The following CROCC2 variants were observed in gnomAD, a reference collection of about 807,000 sequenced individuals.
The protein encoded by CROCC2 is ciliary rootlet coiled-coil, rootletin family member 2.
CROCC2 carries 163 observed loss-of-function variants against 177.6 expected under a neutral mutation model. The ratio of observed to expected loss-of-function variants is 0.92; its 90% CI spans 0.81 to 1.05. The LOEUF (loss-of-function observed/expected upper bound fraction) is 1.05, where lower values mean the gene tolerates loss of function less well. Among genes scored for constraint, CROCC2 ranks in the 50% least tolerant of loss-of-function variants. The pLI is 0.00. For missense variants in CROCC2, 1,929 were observed against 1,797.8 expected (o/e 1.07, Z -1.32); for synonymous variants, 904 against 787.3 (o/e 1.15, Z -2.48).
chr2:240,981,724 C>G (rs921608315), intron 27 of CROCC2: 4 of 151,870 alleles, frequency 2.6e-5, no homozygotes, highest in African/African-American at 9.7e-5. Flanking sequence ...CCTTCTTTTC[C>G]TTTTTTAAAG....
chr2:240,962,260 G>A (rs2059647421), intron 20 of CROCC2, among the ~76,000 whole-genome samples: 2 of 151,932 alleles, frequency 1.3e-5, no homozygotes, highest in South Asian at 2.1e-4. Flanking sequence ...TCCTGTAAAA[G>A]GGATGGCTGT....
chr2:240,968,089 G>A (rs1259256876), intron 26 of CROCC2, 40 bp from the exon 27 acceptor site: 13 of 1,397,498 alleles, frequency 9.3e-6, no homozygotes, highest in Admixed American at 3.0e-5. Context: ...GACCTGGGAG[G>A]GGCATGGGGG....
intron 25 of CROCC2, 100 bp downstream of exon 25, chr2:240,966,509 G>A: frequency 2.5e-6 from 1 of 398,068 alleles, no homozygotes; most frequent in Non-Finnish European, 4.4e-6. Flanking sequence ...TGGGTCTGAG[G>A]GTCAGTGTCC....
At chr2:240,942,886 T>C (rs2059502344) in intron 14 of CROCC2, among the ~76,000 whole-genome samples, 1 of 152,210 alleles carries the variant, frequency 6.6e-6, no homozygotes, top group South Asian at 2.1e-4. Flanking sequence ...TTATTTCAGA[T>C]AGGACTTTCA....
At chr2:240,927,199 A>G (rs74000139) in intron 5 of CROCC2, among the ~76,000 whole-genome samples, 2,179 of 152,184 alleles carry the variant, frequency 0.014, 49 homozygotes, top group African/African-American at 0.05. Flanking sequence ...TCGAAGTAAC[A>G]TGTCTTCTCA....
At chr2:240,935,167 C>T (rs1412911016) in intron 13 of CROCC2, 105 bp downstream of exon 13, 1 of 1,286,130 alleles carries the variant, frequency 7.8e-7, no homozygotes. Context: ...ATCACTTCCT[C>T]TCCTGGTTTG....
intron 28 of CROCC2, 28 bp downstream of exon 28, chr2:240,983,057 G>C: frequency 3.2e-6 from 5 of 1,544,514 alleles, no homozygotes; most frequent in Non-Finnish European, 4.4e-6. Context: ...GGCAGGGTAC[G>C]CTGTCACCAG....
At chr2:240,921,605 A>G (rs2059357305) in intron 3 of CROCC2, among the ~76,000 whole-genome samples, 1 of 152,152 alleles carries the variant, frequency 6.6e-6, no homozygotes, top group Non-Finnish European at 1.5e-5. Flanking sequence ...CTCAGCAGGC[A>G]AAGTGTGGGT....
chr2:240,935,715 G>A (rs752654352), intron 14 of CROCC2, 127 bp downstream of exon 14: 281 of 686,856 alleles, frequency 4.1e-4, no homozygotes, highest in East Asian at 2.2e-3. Context: ...TCTTGGTAAC[G>A]GATCAGGCCC....
chr2:240,917,110 C>T lies in CROCC2; in HGVS notation c.79-1616C>T, dbSNP rs1019330989. On this transcript the variant is annotated intron_variant, in intron 1 of 31. Coordinates refer to ENST00000690015, the MANE Select transcript of CROCC2 (RefSeq NM_001351305.2). This position sits in a 1 kb window ranked among gnomAD's most constrained non-coding sequence, Gnocchi z 4.9. ...CAGTGAAGGCGCCTCCCAAGACCTC[C>T]CAGGGGACTGAGAGACAGACCCTGG... Among the ~76,000 whole-genome samples the T allele has an allele frequency of 1.3e-5, 2 of 152,154 alleles. No individual in the cohort carries two copies. The highest frequency in any genetic ancestry group is 2.9e-5 in the Non-Finnish European group (2 of 68,010).
intron 7 of CROCC2, among the ~76,000 whole-genome samples, chr2:240,931,912 A>G (rs149496179): frequency 1.3e-5 from 2 of 152,376 alleles, no homozygotes; most frequent in Non-Finnish European, 2.9e-5. Flanking sequence ...TGGGGTCTTT[A>G]GGAAGAAGGT....
intron 11 of CROCC2, 38 bp from the exon 12 acceptor site, chr2:240,934,293 C>G: frequency 5.2e-6 from 8 of 1,542,696 alleles, no homozygotes; most frequent in Non-Finnish European, 7.0e-6. Context: ...CCACTGCTCA[C>G]CCTGAGCGAC....
At chr2:240,966,120 C>A in intron 24 of CROCC2, 105 bp from the exon 25 acceptor site, 1 of 1,258,540 alleles carries the variant, frequency 7.9e-7, no homozygotes, top group Non-Finnish European at 1.0e-6. Flanking sequence ...AACCTGTGGC[C>A]GTCTCCCCAA....
intron 6 of CROCC2, 87 bp from the exon 7 acceptor site, chr2:240,930,843 AG>A (rs2059424481): frequency 8.2e-6 from 5 of 607,836 alleles, no homozygotes; most frequent in African/African-American, 7.4e-5. Flanking sequence ...ATGGCCAAGG[AG>A]GGGGTCCTCT....
At chr2:240,933,935 C>A in intron 11 of CROCC2, 83 bp downstream of exon 11, 1 of 1,413,064 alleles carries the variant, frequency 7.1e-7, no homozygotes, top group Non-Finnish European at 9.5e-7. Flanking sequence ...GGCCTTGGGC[C>A]ACGGGTCTGC....
chr2:240,916,228 C>T (rs2059319207), intron 1 of CROCC2, among the ~76,000 whole-genome samples: 1 of 151,874 alleles, frequency 6.6e-6, no homozygotes, highest in Admixed American at 6.6e-5. Flanking sequence ...TCCACCTTCC[C>T]TTCCTTCCCC....
chr2:240,949,190 C>G lies in CROCC2; in HGVS notation c.2482+93C>G, dbSNP rs867402268. On this transcript the variant is annotated intron_variant, in intron 16 of 31. Transcript: ENST00000690015. This position sits in a 1 kb window ranked among gnomAD's most constrained non-coding sequence, Gnocchi z 4.5. ...CTCAGTGCCCACACGTGCTGCACCCCCTCTCCGGAGCCCACAGGGGCATGA... is the reference window on the plus strand; with the variant it reads ...CTCAGTGCCCACACGTGCTGCACCCGCTCTCCGGAGCCCACAGGGGCATGA... 1 of 1,447,684 alleles carries G rather than the reference C, an allele frequency of 6.9e-7. No individual in the cohort carries two copies. Among genetic ancestry groups the G allele is most frequent in the Admixed American group, 2.8e-5 (1 of 35,856 alleles). The allele number at this position is 1,447,684 out of a possible 1,614,324, so 89.7% of individuals were successfully genotyped here. A position where few individuals can be genotyped will look rare whatever the true frequency, so the allele number is the denominator to read the frequency against.
chr2:240,956,036 AC>A (rs1389549972), intron 19 of CROCC2, 64 bp downstream of exon 19: 40 of 1,215,728 alleles, frequency 3.3e-5, no homozygotes, highest in Non-Finnish European at 4.5e-5. Context: ...CCAGGGGGCC[AC>A]CCCTCCTGCC....
At chr2:240,967,504 G>A (rs2059691448) in intron 26 of CROCC2, 39 bp downstream of exon 26, 1 of 1,546,280 alleles carries the variant, frequency 6.5e-7, no homozygotes, top group Non-Finnish European at 8.7e-7. Flanking sequence ...CCTGGGAGTG[G>A]CTGTGAGAGT....
Sources: allele counts gnomAD v4.1 joint callset (sites outside exome capture counted in the v4.1 genomes callset), GRCh38; gene constraint gnomAD v4.1.1; non-coding constraint Gnocchi (gnomAD v3.1); transcripts MANE v1.5; gene names NCBI Gene and HGNC (gene_info 2026-07-23, HGNC 2026-07-21).